RP1: variants seen among roughly 807,000 people sequenced by gnomAD.
The protein encoded by RP1 is oxygen-regulated protein 1.
Under a neutral mutation model 14.8 loss-of-function variants are expected in RP1, and 16 were observed. The observed-to-expected ratio is 1.08, with a 90% CI of 0.73 to 1.65. The LOEUF (loss-of-function observed/expected upper bound fraction) is 1.65, where lower values mean the gene tolerates loss of function less well. Ranked by LOEUF, RP1 falls within the 40% of genes most tolerant of loss-of-function variation. The pLI, the probability that RP1 is intolerant of heterozygous loss-of-function variation, is 0.00. For synonymous variants in RP1, 876 were observed against 883.6 expected, an observed-to-expected ratio of 0.99 and a Z score of 0.15; for missense variants, 2,631 against 2,535.0, an observed-to-expected ratio of 1.04 and a Z score of -0.81.
chr8:54,560,259 G>T (rs568782582), intron 1 of RP1: 35 of 152,290 alleles, frequency 2.3e-4, no homozygotes, highest in African/African-American at 8.4e-4. Context: ...CTAAGTGAAC[G>T]CACTCTGAAT....
chr8:54,800,941 T>C (rs1271767075), intron 24 of RP1, among the ~76,000 whole-genome samples: 1 of 152,208 alleles, frequency 6.6e-6, no homozygotes, highest in Non-Finnish European at 1.5e-5. Flanking sequence ...AGAAGCTGGA[T>C]GTGTTGTATA....
Position 54,760,168 on chromosome 8 carries a change from G to A in RP1, c.3248+1092G>A, listed in dbSNP as rs567791779. ...AGCGGTGAGATCAACAGTAGCCCTC[G>A]TCTTTTTTGCCTTTTAGTCATTAAA... On this transcript the variant is annotated intron_variant, in intron 22 of 22. Coordinates refer to the RP1 transcript ENST00000636932. Among the ~76,000 whole-genome samples the A allele has an allele frequency of 5.9e-5, 9 of 152,316 alleles. No individual in the cohort carries two copies. The South Asian group carries it at 1.2e-3, about 21-fold the overall frequency.
chr8:54,673,750 C>A, intron 7 of RP1: 1 of 1,056,020 alleles, frequency 9.5e-7, no homozygotes, highest in Non-Finnish European at 1.4e-6. Flanking sequence ...AAAACAACAA[C>A]AACAACAACA....
chr8:54,840,206 T>C (rs575165060), intron 25 of RP1, among the ~76,000 whole-genome samples: 44 of 152,284 alleles, frequency 2.9e-4, no homozygotes, highest in African/African-American at 1.0e-3. Flanking sequence ...ACTCTGATGG[T>C]GTGCTATATT....
At chr8:54,862,301 C>A (rs530125023) in intron 27 of RP1, among the ~76,000 whole-genome samples, 118 of 152,226 alleles carry the variant, frequency 7.8e-4, no homozygotes, top group African/African-American at 2.7e-3. Context: ...ACTTCTATTA[C>A]GTCATATGCT....
At chr8:54,587,809 G>A (rs1283391533) in intron 1 of RP1, among the ~76,000 whole-genome samples, 1 of 152,184 alleles carries the variant, frequency 6.6e-6, no homozygotes, top group Non-Finnish European at 1.5e-5. Flanking sequence ...TGAGTCTATA[G>A]AAAGGTCTAT....
At chr8:54,578,347 T>G (rs1398057962) in intron 1 of RP1, among the ~76,000 whole-genome samples, 1 of 152,098 alleles carries the variant, frequency 6.6e-6, no homozygotes, top group Non-Finnish European at 1.5e-5. Context: ...TCTGGGACTA[T>G]AGGTGCACCA....
At chr8:54,867,855 CAAAT>C (rs1281892119) in intron 28 of RP1, among the ~76,000 whole-genome samples, 1 of 152,084 alleles carries the variant, frequency 6.6e-6, no homozygotes, top group Non-Finnish European at 1.5e-5. Flanking sequence ...AAAATCAAAT[CAAAT>C]AAAAATTCAG....
At chr8:54,734,304 T>C (rs1563361332) in intron 17 of RP1, among the ~76,000 whole-genome samples, 3 of 152,130 alleles carry the variant, frequency 2.0e-5, no homozygotes, top group Admixed American at 2.0e-4. Flanking sequence ...AAGATTGCCA[T>C]GTAGGTCAGA....
intron 1 of RP1, among the ~76,000 whole-genome samples, chr8:54,619,532 A>G (rs1347545999): frequency 6.6e-6 from 1 of 152,262 alleles, no homozygotes; most frequent in African/African-American, 2.4e-5. Context: ...AGAACCAGAT[A>G]AATCCTTCCA....
exon 7 of RP1, chr8:54,663,829 C>T (rs1398178845): frequency 3.3e-6 from 5 of 1,526,988 alleles, no homozygotes; most frequent in East Asian, 2.5e-5. Flanking sequence ...CGAAGAGCTC[C>T]TTCAATTTTT....
Position 54,822,153 on chromosome 8 carries a change from T to A in RP1, c.3616-15297T>A, listed in dbSNP as rs1811270587. ...GTTGTAATACAGAGAAGGGTATATA[T>A]AATAGTTTAATTATTTATTAGTTTT... On this transcript the variant is annotated intron_variant, in intron 24 of 28. Transcript: ENST00000637698. 2.6e-5 allele frequency among the ~76,000 whole-genome samples: 4 copies of A among 152,220 alleles called. No individual in the cohort carries two copies. In the South Asian group the frequency reaches 6.2e-4, roughly 24 times the overall value.
At chr8:54,767,361 CT>C (rs951988214) in intron 22 of RP1, among the ~76,000 whole-genome samples, 2,013 of 138,364 alleles carry the variant, frequency 0.015, 19 homozygotes, top group African/African-American at 0.033. Context: ...AGTCTGTATT[CT>C]TTTTTTTTTT....
Position 54,626,324 on chromosome 8 carries a change from TG to T in RP1, c.2443del (p.Glu815LysfsTer33). The T allele has an allele frequency of 6.2e-7, 1 of 1,613,576 alleles. No homozygotes were observed. Among genetic ancestry groups the T allele is most frequent in the Non-Finnish European group, 8.5e-7 (1 of 1,179,818 alleles). ...NESKYCKSTFENKSLFHVFNI... is the reference protein window; with the variant it reads ...NESKYCKSTFXNKSLFHVFNI... ...AATCTAAATATTGCAAAAGTACTTTTGAAAACAAAAGTTTATTTCATGTATT... is the reference window on the plus strand; with the variant it reads ...AATCTAAATATTGCAAAAGTACTTTTAAAACAAAAGTTTATTTCATGTATT... On this transcript the variant is annotated frameshift_variant, in exon 4 of 4. Coordinates refer to ENST00000220676, the MANE Select transcript of RP1 (RefSeq NM_006269.2). LOFTEE classifies it low-confidence loss of function (END_TRUNC).
intron 1 of RP1, among the ~76,000 whole-genome samples, chr8:54,595,052 A>T (rs1805109372): frequency 6.6e-6 from 1 of 152,122 alleles, no homozygotes; most frequent in South Asian, 2.1e-4. Context: ...AAATAAATAA[A>T]TATTAAAATG....
At chr8:54,848,798 G>C (rs1197875581) in intron 25 of RP1, among the ~76,000 whole-genome samples, 1 of 152,078 alleles carries the variant, frequency 6.6e-6, no homozygotes, top group African/African-American at 2.4e-5. Context: ...GCCCAGGCTA[G>C]AGTGCAGTGG....
intron 6 of RP1, chr8:54,663,566 A>T: frequency 1.3e-6 from 1 of 754,028 alleles, no homozygotes; most frequent in Non-Finnish European, 1.9e-6. Context: ...AGAATTTTTT[A>T]CTGCCTGTGG....
intron 24 of RP1, among the ~76,000 whole-genome samples, chr8:54,794,996 A>C (rs529706049): frequency 6.6e-6 from 1 of 152,096 alleles, no homozygotes; most frequent in Non-Finnish European, 1.5e-5. Context: ...AAGGTGCTCA[A>C]CATAACTAAT....
chr8:54,784,293 A>G (rs545382177), intron 24 of RP1, among the ~76,000 whole-genome samples: 20 of 152,264 alleles, frequency 1.3e-4, no homozygotes, highest in South Asian at 1.0e-3. Context: ...TTAATCCTCA[A>G]TGTAGTATCT....
Sources: gnomAD v4.1 joint callset for allele counts (sites outside exome capture counted in the v4.1 genomes callset) on GRCh38, gnomAD v4.1.1 for gene constraint, MANE v1.5 for transcripts, NCBI Gene and HGNC (gene_info 2026-07-23, HGNC 2026-07-21) for gene names.